Variants in NSMCE2 observed in about 807,000 individuals in gnomAD.
NSMCE2 encodes E3 SUMO-protein ligase NSE2.
A neutral mutation model predicts 23.8 loss-of-function variants in NSMCE2; 24 were observed. The observed-to-expected ratio is 1.01, with a 90% CI of 0.73 to 1.42. The LOEUF (loss-of-function observed/expected upper bound fraction) is 1.42. Ranked by LOEUF, NSMCE2 falls within the 40% of genes most tolerant of loss-of-function variation. The pLI is 0.00. For synonymous variants in NSMCE2, 92 were observed against 94.1 expected (o/e 0.98, Z 0.13); for missense variants, 284 against 296.5 (o/e 0.96, Z 0.31).
intron 5 of NSMCE2, among the ~76,000 whole-genome samples, chr8:125,262,522 C>T (rs548540678): frequency 1.3e-5 from 2 of 152,284 alleles, no homozygotes; most frequent in South Asian, 4.1e-4. Flanking sequence ...TATTAGTATT[C>T]ATCCATTTAT....
chr8:125,145,438 T>C (rs1167550586), intron 3 of NSMCE2, among the ~76,000 whole-genome samples: 1 of 152,140 alleles, frequency 6.6e-6, no homozygotes, highest in Non-Finnish European at 1.5e-5. Flanking sequence ...AACAGTTTCT[T>C]AATTGACGTA....
chr8:125,282,544 G>A (rs143603523), intron 5 of NSMCE2, among the ~76,000 whole-genome samples: 2 of 152,314 alleles, frequency 1.3e-5, no homozygotes, highest in South Asian at 2.1e-4. Context: ...TTACTCCTTC[G>A]ATTTAAGAGT....
rs555725840 is a variant in NSMCE2, at chr8:125,306,635, A to G, written c.419-50584A>G. On this transcript the variant is annotated intron_variant, in intron 5 of 7. Coordinates refer to ENST00000287437, the MANE Select transcript of NSMCE2 (RefSeq NM_173685.4). ...GCACGTTTCTTTTCCACTGACCATC[A>G]GAACAGAGAATTCCCAAGCCTTCAT... Among the ~76,000 whole-genome samples the G allele has an allele frequency of 3.0e-4, 46 of 152,368 alleles. 1 individual carries two copies. The highest frequency in any genetic ancestry group is 2.8e-3 in the Admixed American group (43 of 15,304).
chr8:125,257,955 T>A (rs146707086), intron 5 of NSMCE2, among the ~76,000 whole-genome samples: 4 of 152,044 alleles, frequency 2.6e-5, no homozygotes, highest in Admixed American at 2.6e-4. Flanking sequence ...GTGGTGGTGG[T>A]GGTTTTGGAG....
intron 3 of NSMCE2, among the ~76,000 whole-genome samples, chr8:125,148,013 C>CG (rs1421604513): frequency 2.0e-5 from 3 of 152,206 alleles, no homozygotes; most frequent in Non-Finnish European, 4.4e-5. Flanking sequence ...CCAAGACCCT[C>CG]TGACTACAGT....
At chr8:125,247,096 G>A (rs549067403) in intron 5 of NSMCE2, among the ~76,000 whole-genome samples, 1 of 151,944 alleles carries the variant, frequency 6.6e-6, no homozygotes, top group Admixed American at 6.5e-5. Flanking sequence ...GGGAGGCTGA[G>A]TGGGGCAGGA....
At chr8:125,150,850 A>G (rs1488578213) in intron 3 of NSMCE2, among the ~76,000 whole-genome samples, 2 of 152,182 alleles carry the variant, frequency 1.3e-5, no homozygotes, top group African/African-American at 2.4e-5. Context: ...GGAGAGGTGT[A>G]GTGATTGATT....
Position 125,302,982 on chromosome 8 carries a change from G to A in NSMCE2, c.419-54237G>A, listed in dbSNP as rs947800935. Among the ~76,000 whole-genome samples, 9 of 152,136 alleles carry A rather than the reference G, an allele frequency of 5.9e-5. No homozygotes were observed. The South Asian group carries it at 8.3e-4, about 14-fold the overall frequency. ...TCCCCAGGGCACGGAGCAGGGTAAC[G>A]CAGTGTCCATGCTGCAGCTCCACAC... On this transcript the variant is annotated intron_variant, in intron 5 of 7. Transcript: ENST00000287437.
At chr8:125,199,308 T>C (rs909262516) in intron 5 of NSMCE2, among the ~76,000 whole-genome samples, 1 of 152,246 alleles carries the variant, frequency 6.6e-6, no homozygotes, top group African/African-American at 2.4e-5. Context: ...CTTTCTCTTA[T>C]GGGCATCTAG....
chr8:125,096,655 T>TTC (rs1554600339), intron 1 of NSMCE2, among the ~76,000 whole-genome samples: 2 of 142,826 alleles, frequency 1.4e-5, no homozygotes, highest in African/African-American at 2.7e-5. Context: ...TTTTTTTTTT[T>TTC]CATACGGAGT....
chr8:125,155,545 A>G (rs1287033072), intron 4 of NSMCE2, among the ~76,000 whole-genome samples: 1 of 152,252 alleles, frequency 6.6e-6, no homozygotes, highest in Non-Finnish European at 1.5e-5. Context: ...AACTATGCTT[A>G]GTAATGCAAG....
intron 5 of NSMCE2, among the ~76,000 whole-genome samples, chr8:125,258,313 A>G (rs1826529041): frequency 6.6e-6 from 1 of 152,190 alleles, no homozygotes; most frequent in African/African-American, 2.4e-5. Flanking sequence ...AAATGGAAAC[A>G]AGGGCTAGCT....
intron 4 of NSMCE2, among the ~76,000 whole-genome samples, chr8:125,162,403 C>T (rs758847560): frequency 2.0e-5 from 3 of 152,060 alleles, no homozygotes; most frequent in Non-Finnish European, 4.4e-5. Flanking sequence ...AGAATTAAAC[C>T]GTTTTGGCTT....
At chr8:125,202,825 T>A (rs1040700352) in intron 5 of NSMCE2, among the ~76,000 whole-genome samples, 2 of 152,208 alleles carry the variant, frequency 1.3e-5, no homozygotes, top group African/African-American at 4.8e-5. Context: ...GTGTTAAAGA[T>A]CTTAATGAAG....
chr8:125,096,247 G>C (rs1315077988), intron 1 of NSMCE2, among the ~76,000 whole-genome samples: 4 of 152,198 alleles, frequency 2.6e-5, no homozygotes, highest in African/African-American at 7.2e-5. Flanking sequence ...ATAGGCCACA[G>C]CTAACTTCAA....
chr8:125,272,476 C>G (rs1563755914), intron 5 of NSMCE2, among the ~76,000 whole-genome samples: 1 of 150,488 alleles, frequency 6.6e-6, no homozygotes, highest in African/African-American at 2.5e-5. Context: ...AAATGACTAA[C>G]CCGGCACATG....
At chr8:125,270,475 A>G (rs1208248169) in intron 5 of NSMCE2, 1 of 152,244 alleles carries the variant, frequency 6.6e-6, no homozygotes, top group Non-Finnish European at 1.5e-5. Context: ...AAAGCAAAAA[A>G]CAAAACAAGA....
At chr8:125,285,758 AC>A (rs1827867493) in intron 5 of NSMCE2, among the ~76,000 whole-genome samples, 6 of 852 alleles carry the variant, frequency 7.0e-3, no homozygotes, top group Non-Finnish European at 0.014. Context: ...ATACACACGC[AC>A]ACACACACAC....
chr8:125,302,213 T>C (rs1039313642), intron 5 of NSMCE2, among the ~76,000 whole-genome samples: 4 of 151,730 alleles, frequency 2.6e-5, no homozygotes, highest in African/African-American at 9.7e-5. Context: ...CGCCTCGGCC[T>C]CCCAAAATGC....
Sources: gnomAD v4.1 joint callset for allele counts (sites outside exome capture counted in the v4.1 genomes callset) on GRCh38, gnomAD v4.1.1 for gene constraint, MANE v1.5 for transcripts, NCBI Gene and HGNC (gene_info 2026-07-23, HGNC 2026-07-21) for gene names.